The following PLEKHH2 variants were observed in gnomAD, a reference collection of about 807,000 sequenced individuals.
The protein encoded by PLEKHH2 is pleckstrin homology domain-containing family H member 2.
PLEKHH2 carries 129 observed loss-of-function variants against 187.9 expected under a neutral mutation model. The observed-to-expected ratio is 0.69, with a 90% CI of 0.59 to 0.79. PLEKHH2 has a LOEUF of 0.79. Among genes scored for constraint, PLEKHH2 ranks in the 30% least tolerant of loss-of-function variants. PLEKHH2 has a pLI of 0.00. For synonymous variants in PLEKHH2, 686 were observed against 605.6 expected (o/e 1.13, Z -1.95); for missense variants, 2,076 against 1,751.2 (o/e 1.19, Z -3.31).
At chr2:43,706,851 G>C (rs1308340510) in intron 10 of PLEKHH2, among the ~76,000 whole-genome samples, 1 of 152,092 alleles carries the variant, frequency 6.6e-6, no homozygotes. Context: ...AGAATTCAGG[G>C]TTTAACAACA....
chr2:43,656,915 A>G (rs1666798659), intron 2 of PLEKHH2, among the ~76,000 whole-genome samples: 1 of 152,196 alleles, frequency 6.6e-6, no homozygotes, highest in Admixed American at 6.5e-5. Flanking sequence ...GCTACTTGGG[A>G]GGCTGAGGCA....
At chr2:43,713,620 T>C (rs959362447) in intron 15 of PLEKHH2, among the ~76,000 whole-genome samples, 3 of 151,824 alleles carry the variant, frequency 2.0e-5, no homozygotes, top group African/African-American at 7.2e-5. Flanking sequence ...CCAAAGTATA[T>C]TGGTTATCTC....
intron 2 of PLEKHH2, chr2:43,675,027 A>T (rs528876326): frequency 3.7e-4 from 63 of 169,484 alleles, no homozygotes; most frequent in African/African-American, 1.5e-3. Flanking sequence ...GCAGTTAAAT[A>T]TGTGGCCATA....
intron 2 of PLEKHH2, among the ~76,000 whole-genome samples, chr2:43,651,050 C>T (rs1666444391): frequency 1.3e-5 from 2 of 152,120 alleles, no homozygotes; most frequent in Non-Finnish European, 2.9e-5. Flanking sequence ...GTGAAGTGTT[C>T]AGAATTTATA....
At chr2:43,678,168 G>T (rs1402092378) in intron 2 of PLEKHH2, among the ~76,000 whole-genome samples, 1 of 150,810 alleles carries the variant, frequency 6.6e-6, no homozygotes, top group East Asian at 2.0e-4. Flanking sequence ...CGGGCAGAGA[G>T]GCTCCTCACT....
intron 4 of PLEKHH2, 62 bp from the exon 5 acceptor site, chr2:43,694,369 T>C (rs1459631046): frequency 4.7e-6 from 7 of 1,481,512 alleles, no homozygotes; most frequent in Middle Eastern, 1.8e-4. Context: ...ATATTTATGG[T>C]AAAACATTTC....
In PLEKHH2 at chr2:43,753,652, T is replaced by A; in HGVS notation, c.3687T>A (p.Thr1229=). The A allele has an allele frequency of 1.3e-6, 2 of 1,570,528 alleles. No individual in the cohort carries two copies. The highest frequency in any genetic ancestry group is 1.7e-6 in the Non-Finnish European group (2 of 1,161,728). The change falls in exon 25 of 30, where the codon ACT becomes ACA. Residue 1229 remains threonine (T), a synonymous_variant. Transcript: ENST00000282406. ...LYFSVQARGE[T]DREKLLLMYQ... ...TCTCAGTGCAAGCTCGTGGAGAGAC[T>A]GATAGAGAAAAGTTGCTGTTAATGT...
chr2:43,749,562 G>A (rs1462046950), intron 24 of PLEKHH2, among the ~76,000 whole-genome samples: 1 of 152,182 alleles, frequency 6.6e-6, no homozygotes, highest in Admixed American at 6.5e-5. Flanking sequence ...AACAGATGAT[G>A]ATTACCTTGT....
At chr2:43,640,340 C>T (rs2104312791) in intron 1 of PLEKHH2, among the ~76,000 whole-genome samples, 1 of 151,978 alleles carries the variant, frequency 6.6e-6, no homozygotes, top group African/African-American at 2.4e-5. Context: ...CAGGTAAGCT[C>T]CCCGACGCTT....
At chr2:43,698,824 A>C (rs1669219969) in intron 7 of PLEKHH2, among the ~76,000 whole-genome samples, 1 of 152,184 alleles carries the variant, frequency 6.6e-6, no homozygotes, top group Non-Finnish European at 1.5e-5. Context: ...CATTCTGTTA[A>C]TTATGTTATA....
At chr2:43,671,108 C>A (rs189297765) in intron 2 of PLEKHH2, among the ~76,000 whole-genome samples, 5 of 152,006 alleles carry the variant, frequency 3.3e-5, no homozygotes, top group East Asian at 1.9e-4. Flanking sequence ...CTCTGCCCCC[C>A]ACTGAGTAGC....
At chr2:43,761,593 C>G (rs1335599896) in intron 27 of PLEKHH2, among the ~76,000 whole-genome samples, 1 of 151,650 alleles carries the variant, frequency 6.6e-6, no homozygotes, top group Non-Finnish European at 1.5e-5. Context: ...GTGTCTTTGG[C>G]AGAGATGGGG....
intron 15 of PLEKHH2, among the ~76,000 whole-genome samples, chr2:43,715,270 G>A (rs770348006): frequency 1.3e-5 from 2 of 150,564 alleles, no homozygotes; most frequent in East Asian, 1.9e-4. Flanking sequence ...ATGAAACTCC[G>A]TCTAAAAAAA....
In PLEKHH2 at chr2:43,637,925, T is replaced by C. The variant is rs540288595; in HGVS notation, c.-4+546T>C. 5.9e-5 allele frequency among the ~76,000 whole-genome samples: 9 copies of C among 152,300 alleles called. No individual in the cohort carries two copies. In the South Asian group the frequency reaches 1.7e-3, roughly 28 times the overall value. ...CGGAAACCACTGTCCCCGAAGTTAG[T>C]GGGGCACTTTTTAAAGGACAACACT... On this transcript the variant is annotated intron_variant, in intron 1 of 29. Transcript: ENST00000282406.
intron 2 of PLEKHH2, among the ~76,000 whole-genome samples, chr2:43,674,601 A>G (rs1667638237): frequency 6.6e-6 from 1 of 152,238 alleles, no homozygotes; most frequent in Admixed American, 6.5e-5. Context: ...AATATGAGGT[A>G]CTGAGAATGT....
intron 28 of PLEKHH2, among the ~76,000 whole-genome samples, chr2:43,763,539 C>T (rs911719846): frequency 9.9e-5 from 15 of 151,970 alleles, no homozygotes; most frequent in Admixed American, 2.0e-4. Flanking sequence ...CCTGCCTCAG[C>T]CTCCCAAGTA....
chr2:43,765,294 G>A (rs1378799199), intron 29 of PLEKHH2, 119 bp from the exon 30 acceptor site: 3 of 881,422 alleles, frequency 3.4e-6, no homozygotes, highest in East Asian at 2.6e-5. Context: ...CTAGAGAGAA[G>A]GGAATTCTGG....
intron 2 of PLEKHH2, among the ~76,000 whole-genome samples, chr2:43,677,858 G>A (rs1667913300): frequency 6.8e-6 from 1 of 147,548 alleles, no homozygotes; most frequent in Non-Finnish European, 1.5e-5. Flanking sequence ...TCCCGGACGG[G>A]GCGGCTGGCC....
chr2:43,759,296 G>A (rs952514011), intron 27 of PLEKHH2, among the ~76,000 whole-genome samples: 4 of 152,092 alleles, frequency 2.6e-5, no homozygotes, highest in Non-Finnish European at 5.9e-5. Flanking sequence ...GCATTCTTCT[G>A]TTCATTCATT....
Sources: gnomAD v4.1 joint callset for allele counts (sites outside exome capture counted in the v4.1 genomes callset) on GRCh38, gnomAD v4.1.1 for gene constraint, MANE v1.5 for transcripts, NCBI Gene and HGNC (gene_info 2026-07-23, HGNC 2026-07-21) for gene names.